The following NUF2 variants were observed in gnomAD, a reference collection of about 807,000 sequenced individuals.
NUF2 encodes NUF2 component of NDC80 kinetochore complex.
Under a neutral mutation model 61.8 loss-of-function variants are expected in NUF2, and 34 were observed. That is an observed-to-expected ratio of 0.55 (90% CI 0.42 to 0.73). The LOEUF (loss-of-function observed/expected upper bound fraction) is 0.73, where lower values mean the gene tolerates loss of function less well. NUF2 is among the 30% of genes least tolerant of loss of function. The probability of loss-of-function intolerance (pLI) is 0.00; values close to 1 mark genes in which losing one functional copy is unlikely to be tolerated. For missense variants in NUF2, 445 were observed against 539.1 expected, an observed-to-expected ratio of 0.83 and a Z score of 1.73; for synonymous variants, 172 against 181.6, an observed-to-expected ratio of 0.95 and a Z score of 0.42.
At chr1:163,329,811 G>A (rs1417701093) in intron 5 of NUF2, among the ~76,000 whole-genome samples, 2 of 152,174 alleles carry the variant, frequency 1.3e-5, no homozygotes, top group African/African-American at 4.8e-5. Context: ...GAATTTGAAA[G>A]TAGCCTTGGT....
rs562840359 is a variant in NUF2 at position 163,344,398 on chromosome 1, T to C, written c.807+528T>C. Among the ~76,000 whole-genome samples the C allele has an allele frequency of 1.1e-3, 161 of 151,804 alleles. 1 individual carries two copies. The highest frequency in any genetic ancestry group is 3.7e-3 in the African/African-American group (152 of 41,436). On this transcript the variant is annotated intron_variant, in intron 10 of 13. Coordinates refer to ENST00000271452, the MANE Select transcript of NUF2 (RefSeq NM_145697.3). ...GTAATAAGGGGAGCCCAGTTTAGTA[T>C]TGGGCTGGAAGTACAGGTGGAAGAG... is the stretch of plus-strand genomic sequence containing the variant.
intron 11 of NUF2, chr1:163,346,033 ATAAC>A (rs1376728542): frequency 2.4e-5 from 9 of 377,122 alleles, no homozygotes; most frequent in Admixed American, 1.7e-4. Flanking sequence ...GAAATTAATA[ATAAC>A]TAACCCATCA....
At chr1:163,334,302 A>G (rs1473701754) in intron 5 of NUF2, among the ~76,000 whole-genome samples, 1 of 152,164 alleles carries the variant, frequency 6.6e-6, no homozygotes, top group Non-Finnish European at 1.5e-5. Context: ...TTTTTGATAT[A>G]ATGATTTCTT....
chr1:163,332,101 A>G (rs1223588686), intron 5 of NUF2, among the ~76,000 whole-genome samples: 1 of 151,846 alleles, frequency 6.6e-6, no homozygotes, highest in Non-Finnish European at 1.5e-5. Context: ...CTTTCCTAAT[A>G]TAGGTATTTA....
At chr1:163,351,527 C>G (rs1651318018) in intron 13 of NUF2, among the ~76,000 whole-genome samples, 1 of 152,180 alleles carries the variant, frequency 6.6e-6, no homozygotes, top group African/African-American at 2.4e-5. Context: ...CAGATTTGAT[C>G]AGCATGCCTT....
chr1:163,336,655 A>G, intron 5 of NUF2, 96 bp from the exon 6 acceptor site: 2 of 741,006 alleles, frequency 2.7e-6, no homozygotes, highest in Non-Finnish European at 2.3e-6. Context: ...TATTTTATAT[A>G]TTATGAGCAG....
rs771362833 is a variant in NUF2, at chr1:163,343,916, A to T, written c.807+46A>T. ...AATGCTTTTGTATCTAAAAAAAAAA[A>T]TTAGCAAATTCTTGTTTAATTATGT... On this transcript the variant is annotated intron_variant, in intron 10 of 13. Coordinates refer to ENST00000271452, the MANE Select transcript of NUF2 (RefSeq NM_145697.3). The T allele has an allele frequency of 3.3e-5, 39 of 1,174,010 alleles. 1 individual carries two copies. The highest frequency in any genetic ancestry group is 4.3e-5 in the Non-Finnish European group (38 of 877,130). 72.7% of individuals were successfully genotyped at this position (1,174,010 alleles called of 1,614,324 possible).
In NUF2 at chr1:163,341,301, C is replaced by G. The variant is rs1010591802; in HGVS notation, c.669+875C>G. ...CTTGGCTCACTGCAACCTCCACCTC[C>G]TGGGTTCGAGCGATTCTTCTGCCTC... On this transcript the variant is annotated intron_variant, in intron 9 of 13. Transcript: ENST00000271452. Among the ~76,000 whole-genome samples, 7 of 152,122 alleles carry G rather than the reference C, an allele frequency of 4.6e-5. No individual in the cohort carries two copies. In the East Asian group the frequency reaches 1.4e-3, roughly 29 times the overall value.
chr1:163,353,255 A>G (rs1445922181), intron 13 of NUF2, among the ~76,000 whole-genome samples: 1 of 97,302 alleles, frequency 1.0e-5, no homozygotes, highest in East Asian at 2.3e-4. Context: ...ACCCAATAAT[A>G]TATTGGTTGA....
At chr1:163,322,840 G>A (rs1051994922) in intron 1 of NUF2, 2 of 152,190 alleles carry the variant, frequency 1.3e-5, no homozygotes, top group African/African-American at 2.4e-5. Context: ...TATATATTAA[G>A]TCATTTATAT....
chr1:163,345,996 G>C (rs1021548221), intron 11 of NUF2, 178 bp downstream of exon 11: 4 of 438,288 alleles, frequency 9.1e-6, no homozygotes, highest in African/African-American at 8.1e-5. Context: ...CATAGCAGTA[G>C]CAAGACCCAA....
At chr1:163,335,547 T>C (rs900438895) in intron 5 of NUF2, among the ~76,000 whole-genome samples, 3 of 152,128 alleles carry the variant, frequency 2.0e-5, no homozygotes, top group Admixed American at 6.5e-5. Context: ...TAATGTGACT[T>C]TTAGGTGTTT....
chr1:163,337,482 C>T (rs917150631), intron 6 of NUF2, among the ~76,000 whole-genome samples: 6 of 152,022 alleles, frequency 3.9e-5, no homozygotes, highest in Admixed American at 2.0e-4. Flanking sequence ...TATATAGATC[C>T]GTACTTCTTT....
At chr1:163,334,989 C>T (rs1650710797) in intron 5 of NUF2, among the ~76,000 whole-genome samples, 1 of 152,030 alleles carries the variant, frequency 6.6e-6, no homozygotes, top group Non-Finnish European at 1.5e-5. Context: ...GAGTCTCGCT[C>T]TGTCACCAGG....
intron 8 of NUF2, 112 bp from the exon 9 acceptor site, chr1:163,340,251 TA>T (rs1387610574): frequency 1.0e-5 from 8 of 763,454 alleles, no homozygotes; most frequent in Non-Finnish European, 1.8e-5. Context: ...GTTTGAAGAA[TA>T]TCTGATCTAA....
At chr1:163,327,696 A>G in intron 3 of NUF2, 134 bp downstream of exon 3, 1 of 615,366 alleles carries the variant, frequency 1.6e-6, no homozygotes, top group Non-Finnish European at 2.9e-6. Context: ...ACAAATTCAA[A>G]GACATATAAA....
At chr1:163,335,293 G>T (rs1403847706) in intron 5 of NUF2, among the ~76,000 whole-genome samples, 1 of 152,108 alleles carries the variant, frequency 6.6e-6, no homozygotes, top group African/African-American at 2.4e-5. Context: ...ACAGACTTGG[G>T]TTCTCTAGGC....
intron 5 of NUF2, 51 bp from the exon 6 acceptor site, chr1:163,336,700 A>G: frequency 8.9e-7 from 1 of 1,126,942 alleles, no homozygotes; most frequent in Non-Finnish European, 1.4e-6. Context: ...TTTCATTTTC[A>G]TATTATGTTA....
At chr1:163,340,075 GTTAT>G (rs1302676831) in intron 8 of NUF2, among the ~76,000 whole-genome samples, 2 of 152,130 alleles carry the variant, frequency 1.3e-5, no homozygotes, top group Non-Finnish European at 2.9e-5. Flanking sequence ...AGTACTCGAG[GTTAT>G]TTAAGAACAA....
Sources: allele counts gnomAD v4.1 joint callset (sites outside exome capture counted in the v4.1 genomes callset), GRCh38; gene constraint gnomAD v4.1.1; transcripts MANE v1.5; gene names NCBI Gene and HGNC (gene_info 2026-07-23, HGNC 2026-07-21).